Variants in PLA2G4E observed in about 807,000 individuals in gnomAD.
PLA2G4E encodes the protein cytosolic phospholipase A2 epsilon.
In PLA2G4E, 84 loss-of-function variants were observed where a neutral mutation model predicts 109.1. That is an observed-to-expected ratio of 0.77 (90% CI 0.65 to 0.92). The LOEUF is 0.92. PLA2G4E is among the 40% of genes least tolerant of loss of function. The pLI is 0.00. For missense variants in PLA2G4E, 1,057 were observed against 1,076.6 expected, an observed-to-expected ratio of 0.98 and a Z score of 0.25; for synonymous variants, 469 against 436.1, an observed-to-expected ratio of 1.08 and a Z score of -0.94.
chr15:42,010,140 A>C (rs28736629), intron 2 of PLA2G4E: 77,512 of 351,392 alleles, frequency 0.22, 16,335 homozygotes, highest in South Asian at 0.43. Flanking sequence ...TGGCCCCCCC[A>C]CCCCGGGCCT....
chr15:42,025,018 G>C (rs2068680942), intron 1 of PLA2G4E, among the ~76,000 whole-genome samples: 1 of 151,994 alleles, frequency 6.6e-6, no homozygotes, highest in East Asian at 1.9e-4. Context: ...GGCTAACACA[G>C]TGAAACCCCA....
At chr15:41,995,485 T>C in exon 12 of PLA2G4E, 1 of 1,613,904 alleles carries the variant, frequency 6.2e-7, no homozygotes, top group Non-Finnish European at 8.5e-7. Flanking sequence ...CCATGATGGC[T>C]ATCAGCGGCA....
chr15:42,017,641 G>T (rs1263646934), intron 1 of PLA2G4E, among the ~76,000 whole-genome samples: 2 of 152,084 alleles, frequency 1.3e-5, no homozygotes, highest in Non-Finnish European at 2.9e-5. Context: ...TTGGCAAACA[G>T]GAAGACAAAT....
intron 2 of PLA2G4E, chr15:42,009,200 T>C (rs2068507399): frequency 6.6e-6 from 1 of 152,112 alleles, no homozygotes; most frequent in Non-Finnish European, 1.5e-5. Flanking sequence ...CAAAAGAAAA[T>C]GATGACCTCA....
At chr15:42,006,097 C>A (rs769290265) in exon 4 of PLA2G4E, 1 of 1,613,804 alleles carries the variant, frequency 6.2e-7, no homozygotes, top group Non-Finnish European at 8.5e-7. Context: ...GTGTCTTCAT[C>A]ACAGACACTC....
rs772472776 is a variant in PLA2G4E at position 41,989,395 on chromosome 15, G to T, written c.1723+20C>A. 3.1e-6 allele frequency: 5 copies of T among 1,613,452 alleles called. No individual in the cohort carries two copies. The African/African-American group carries it at 6.7e-5, about 22-fold the overall frequency. On this transcript the variant is annotated intron_variant, in intron 15 of 19. Transcript: ENST00000399518. ...CTGGGCAGCAGCCCCCTGTCATTCC[G>T]CCAGTTGCAAGGCAGTCACCTAGCA...
At chr15:41,988,843 G>T (rs1207738754) in intron 15 of PLA2G4E, among the ~76,000 whole-genome samples, 1 of 152,200 alleles carries the variant, frequency 6.6e-6, no homozygotes, top group East Asian at 1.9e-4. Flanking sequence ...CTTGCAGGAT[G>T]GGTTGGTTTG....
chr15:42,015,823 C>T (rs983569882), intron 1 of PLA2G4E, among the ~76,000 whole-genome samples: 16 of 152,224 alleles, frequency 1.1e-4, no homozygotes, highest in Non-Finnish European at 2.4e-4. Context: ...AGGTGAGGCG[C>T]GTTTCTACTC....
chr15:41,999,470 C>A, intron 10 of PLA2G4E, 54 bp downstream of exon 10: 1 of 1,329,176 alleles, frequency 7.5e-7, no homozygotes, highest in South Asian at 1.2e-5. Context: ...GATACCACTG[C>A]ACACCCACTG....
In PLA2G4E at chr15:42,028,391, A is replaced by C. The variant is rs148706033; in HGVS notation, c.184-14634T>G. Among the ~76,000 whole-genome samples the C allele has an allele frequency of 5.3e-4, 14 of 26,376 alleles. No individual in the cohort carries two copies. In the East Asian group the frequency reaches 6.4e-3, roughly 12 times the overall value. The allele number at this position is 26,376 out of a possible 152,430, so 17.3% of individuals were successfully genotyped here. On this transcript the variant is annotated intron_variant, in intron 1 of 19. Coordinates refer to ENST00000399518, the Ensembl canonical transcript of PLA2G4E. ...ATTTTATTTATTTATTTACTTATTT[A>C]TTTATTTATTTATTTATTTATTTAT...
chr15:41,984,523 G>A (rs2068109661), exon 19 of PLA2G4E: 1 of 1,613,830 alleles, frequency 6.2e-7, no homozygotes, highest in African/African-American at 1.3e-5. Flanking sequence ...TTCTCCATCA[G>A]GTAGCATTCC....
intron 7 of PLA2G4E, 59 bp from the exon 8 acceptor site, chr15:42,000,341 T>C: frequency 6.8e-7 from 1 of 1,464,014 alleles, no homozygotes; most frequent in South Asian, 1.4e-5. Context: ...ACCTGCAACT[T>C]GGTCCAGCAA....
At chr15:42,042,806 G>T (rs541871096) in intron 1 of PLA2G4E, among the ~76,000 whole-genome samples, 7 of 152,328 alleles carry the variant, frequency 4.6e-5, no homozygotes, top group Admixed American at 3.9e-4. Flanking sequence ...GGCAAGGAAG[G>T]GGGCAGAGCC....
At chr15:42,045,330 C>T (rs1889395011) in intron 1 of PLA2G4E, among the ~76,000 whole-genome samples, 3 of 151,762 alleles carry the variant, frequency 2.0e-5, no homozygotes, top group African/African-American at 7.3e-5. Context: ...AGCTGGGGGC[C>T]AAGAGTGTGA....
chr15:41,987,608 C>G (rs905434028), intron 16 of PLA2G4E, among the ~76,000 whole-genome samples: 1 of 152,106 alleles, frequency 6.6e-6, no homozygotes, highest in East Asian at 1.9e-4. Context: ...AGCTAAGAAG[C>G]GTCCTGGAGA....
chr15:42,034,272 G>A (rs1447692409), intron 1 of PLA2G4E, among the ~76,000 whole-genome samples: 1 of 152,224 alleles, frequency 6.6e-6, no homozygotes. Flanking sequence ...TACCTGGTAT[G>A]CCAGACCCGG....
chr15:42,030,452 T>C (rs1258726896), intron 1 of PLA2G4E, among the ~76,000 whole-genome samples: 1 of 152,142 alleles, frequency 6.6e-6, no homozygotes, highest in Non-Finnish European at 1.5e-5. Context: ...CACGATAGGC[T>C]CCCAGAGCAG....
chr15:42,047,456 T>C (rs1437175561), intron 1 of PLA2G4E, among the ~76,000 whole-genome samples: 2 of 149,668 alleles, frequency 1.3e-5, no homozygotes, highest in Non-Finnish European at 3.0e-5. Context: ...GTGACTCCCA[T>C]GAAAACGACA....
At chr15:41,984,068 T>G in intron 19 of PLA2G4E, 94 bp from the exon 20 acceptor site, 1 of 1,105,534 alleles carries the variant, frequency 9.0e-7, no homozygotes, top group Admixed American at 2.0e-5. Context: ...CAACCTGCAC[T>G]CACGGACACA....
Sources: gnomAD v4.1 joint callset for allele counts (sites outside exome capture counted in the v4.1 genomes callset) on GRCh38, gnomAD v4.1.1 for gene constraint, MANE v1.5 for transcripts, NCBI Gene and HGNC (gene_info 2026-07-23, HGNC 2026-07-21) for gene names.